ANO2: variants seen among roughly 807,000 people sequenced by gnomAD.
ANO2 encodes the protein anoctamin 2.
Under a neutral mutation model 124.2 loss-of-function variants are expected in ANO2, and 101 were observed. The ratio of observed to expected loss-of-function variants is 0.81; its 90% CI spans 0.69 to 0.96. The LOEUF (loss-of-function observed/expected upper bound fraction) is 0.96. Among genes scored for constraint, ANO2 ranks in the 40% least tolerant of loss-of-function variants. The pLI is 0.00. For synonymous variants in ANO2, 486 were observed against 482.5 expected (o/e 1.01, Z -0.09); for missense variants, 1,293 against 1,274.5 (o/e 1.01, Z -0.22).
At chr12:5,599,722 C>T in intron 19 of ANO2, 93 bp from the exon 20 acceptor site, 1 of 1,367,116 alleles carries the variant, frequency 7.3e-7, no homozygotes. Context: ...AAAGTTTTGA[C>T]ACTAAAGCCA....
At chr12:5,650,564 TA>T (rs1167122153) in intron 14 of ANO2, among the ~76,000 whole-genome samples, 1 of 152,234 alleles carries the variant, frequency 6.6e-6, no homozygotes, top group Non-Finnish European at 1.5e-5. Context: ...GTGAGTAAAG[TA>T]GTCTTTACTT....
intron 3 of ANO2, among the ~76,000 whole-genome samples, chr12:5,894,493 AT>A (rs1452250010): frequency 9.2e-4 from 140 of 152,178 alleles, no homozygotes. Context: ...CTTTAGTTTA[AT>A]TAGATCCCCT....
intron 23 of ANO2, 30 bp from the exon 24 acceptor site, chr12:5,565,693 C>T (rs1347381111): frequency 2.0e-6 from 3 of 1,535,352 alleles, no homozygotes; most frequent in Non-Finnish European, 1.8e-6. Flanking sequence ...GTGTTAAGAT[C>T]AGGAGCGCAT....
At chr12:5,806,534 C>T (rs1953198507) in intron 8 of ANO2, among the ~76,000 whole-genome samples, 1 of 152,218 alleles carries the variant, frequency 6.6e-6, no homozygotes, top group African/African-American at 2.4e-5. Flanking sequence ...TCAGGGAGCC[C>T]CACCTCAGCA....
chr12:5,622,981 GA>G (rs1945200448), intron 16 of ANO2, among the ~76,000 whole-genome samples: 1 of 140,708 alleles, frequency 7.1e-6, no homozygotes, highest in Non-Finnish European at 1.5e-5. Context: ...AAAAAAAAAA[GA>G]AACGAAAAGA....
intron 4 of ANO2, among the ~76,000 whole-genome samples, chr12:5,833,107 G>A (rs553919410): frequency 2.0e-5 from 3 of 152,236 alleles, no homozygotes; most frequent in Non-Finnish European, 2.9e-5. Context: ...CTAAAACTGC[G>A]CCACGCTTCT....
chr12:5,754,130 T>A (rs1951513599), intron 10 of ANO2, among the ~76,000 whole-genome samples: 1 of 152,222 alleles, frequency 6.6e-6, no homozygotes, highest in Non-Finnish European at 1.5e-5. Flanking sequence ...TTTTAATTTG[T>A]TGAGAATTTT....
chr12:5,711,182 C>G (rs1172343912), intron 14 of ANO2, among the ~76,000 whole-genome samples: 1 of 151,962 alleles, frequency 6.6e-6, no homozygotes, highest in African/African-American at 2.4e-5. Context: ...AAATTGATCC[C>G]TAATGTTGGA....
chr12:5,785,653 T>C (rs909404314), intron 10 of ANO2, among the ~76,000 whole-genome samples: 1 of 130,502 alleles, frequency 7.7e-6, no homozygotes, highest in African/African-American at 3.5e-5. Context: ...TCCAGTCCTC[T>C]TGTACACACA....
chr12:5,579,376 C>G (rs899599799), intron 20 of ANO2, among the ~76,000 whole-genome samples: 1 of 152,158 alleles, frequency 6.6e-6, no homozygotes, highest in Non-Finnish European at 1.5e-5. Context: ...CTGAATGGGT[C>G]TCCATGTAGA....
At chr12:5,595,748 G>A (rs1943628806) in intron 20 of ANO2, among the ~76,000 whole-genome samples, 3 of 152,166 alleles carry the variant, frequency 2.0e-5, no homozygotes, top group Non-Finnish European at 2.9e-5. Flanking sequence ...GAGGAACTGG[G>A]GCTTGACCTG....
intron 3 of ANO2, among the ~76,000 whole-genome samples, chr12:5,880,508 A>G (rs568551337): frequency 6.6e-6 from 1 of 152,200 alleles, no homozygotes; most frequent in Non-Finnish European, 1.5e-5. Context: ...AGAACACATG[A>G]AAGAGAATAA....
intron 3 of ANO2, among the ~76,000 whole-genome samples, chr12:5,878,249 G>A (rs1206763296): frequency 6.6e-6 from 1 of 152,224 alleles, no homozygotes; most frequent in Non-Finnish European, 1.5e-5. Context: ...AATGCTGTAA[G>A]GGAAGTAGAA....
rs1225790485 is a variant in ANO2 at position 5,577,836 on chromosome 12, A to G, written c.2439+119T>C. The G allele has an allele frequency of 3.3e-5, 33 of 1,006,798 alleles. 1 individual carries two copies. In the Admixed American group the frequency reaches 7.5e-4, roughly 23 times the overall value. 62.4% of individuals were successfully genotyped at this position (1,006,798 alleles called of 1,614,324 possible). A position where few individuals can be genotyped will look rare whatever the true frequency, so the allele number is the denominator to read the frequency against. ...AGCTGTTAACCAGAGCACTGTCACC[A>G]ATAAAGCTACAAATGGAAAAGGCTG... On this transcript the variant is annotated intron_variant, in intron 22 of 24. Transcript: ENST00000682330.
At chr12:5,814,532 T>C (rs1259236595) in intron 7 of ANO2, among the ~76,000 whole-genome samples, 1 of 147,720 alleles carries the variant, frequency 6.8e-6, no homozygotes, top group Non-Finnish European at 1.5e-5. Context: ...CTCCTTTATT[T>C]GCTCTATTCT....
intron 23 of ANO2, among the ~76,000 whole-genome samples, chr12:5,571,409 C>T (rs1230697816): frequency 2.0e-5 from 3 of 152,238 alleles, no homozygotes; most frequent in African/African-American, 4.8e-5. Flanking sequence ...CAGCCGGAGA[C>T]TTGTGCTAAC....
chr12:5,926,032 A>G (rs1942062970), intron 1 of ANO2, among the ~76,000 whole-genome samples: 1 of 152,192 alleles, frequency 6.6e-6, no homozygotes, highest in South Asian at 2.1e-4. Context: ...CCAGCCCCTC[A>G]AAGTCAACAT....
intron 14 of ANO2, among the ~76,000 whole-genome samples, chr12:5,695,990 T>C (rs1949157279): frequency 6.6e-6 from 1 of 152,164 alleles, no homozygotes; most frequent in South Asian, 2.1e-4. Context: ...AAATATGTGT[T>C]GAGTTACAGG....
At chr12:5,946,188 G>A (rs770948740), upstream of ANO2, 7 of 1,613,576 alleles carry the variant, frequency 4.3e-6, no homozygotes, top group South Asian at 6.6e-5. The surrounding 1 kb of genome is among the most constrained non-coding windows in gnomAD (Gnocchi z 4.1). Flanking sequence ...TATTGATAAG[G>A]TAGGCTGGTC....
Sources: allele counts gnomAD v4.1 joint callset (sites outside exome capture counted in the v4.1 genomes callset), GRCh38; gene constraint gnomAD v4.1.1; non-coding constraint Gnocchi (gnomAD v3.1); transcripts MANE v1.5; gene names NCBI Gene and HGNC (gene_info 2026-07-23, HGNC 2026-07-21).